The following MUC22 variants were observed in gnomAD, a reference collection of about 807,000 sequenced individuals.
MUC22 encodes mucin-22.
MUC22 carries 24 observed loss-of-function variants against 40.3 expected under a neutral mutation model. The observed-to-expected ratio is 0.60, with a 90% CI of 0.43 to 0.84. The LOEUF (loss-of-function observed/expected upper bound fraction) is 0.84, where lower values mean the gene tolerates loss of function less well. MUC22 is among the 40% of genes least tolerant of loss of function. The probability of loss-of-function intolerance (pLI) is 0.00; values close to 1 mark genes in which losing one functional copy is unlikely to be tolerated. For missense variants in MUC22, 1,926 were observed against 2,130.7 expected, an observed-to-expected ratio of 0.90 and a Z score of 1.89; for synonymous variants, 765 against 844.5, an observed-to-expected ratio of 0.91 and a Z score of 1.63.
intron 1 of MUC22, among the ~76,000 whole-genome samples, chr6:31,021,334 T>C (rs1276010534): frequency 1.3e-5 from 2 of 151,950 alleles, no homozygotes; most frequent in African/African-American, 4.8e-5. Context: ...AGAACCTTTA[T>C]GTCTAGCTCA....
Position 31,032,251 on chromosome 6 carries a change from T to C in MUC22, c.4725T>C (p.Pro1575=). The C allele has an allele frequency of 6.5e-7, 1 of 1,535,622 alleles. No individual in the cohort carries two copies. Among genetic ancestry groups the C allele is most frequent in the Non-Finnish European group, 8.7e-7 (1 of 1,146,892 alleles). ...CCTCCAGCTCTGTCACCATGGCCCCTGGAATGGACTTCACGGCCTCTGCTG... is the reference window on the plus strand; with the variant it reads ...CCTCCAGCTCTGTCACCATGGCCCCCGGAATGGACTTCACGGCCTCTGCTG... The change falls in exon 3 of 4, where the codon CCT becomes CCC. Residue 1575 remains proline, a synonymous_variant. Coordinates refer to ENST00000561890, the Ensembl canonical transcript of MUC22. This position sits in a 1 kb window ranked among gnomAD's most constrained non-coding sequence, Gnocchi z 4.1.
chr6:31,033,047 C>A (rs1766184087), intron 3 of MUC22, among the ~76,000 whole-genome samples: 1 of 152,114 alleles, frequency 6.6e-6, no homozygotes, highest in South Asian at 2.1e-4. Flanking sequence ...GACCTGTAGT[C>A]CCAGCTACTT....
At chr6:31,029,471 C>T in exon 2 of MUC22, 3 of 1,534,732 alleles carry the variant, frequency 2.0e-6, no homozygotes, top group Non-Finnish European at 1.7e-6. Context: ...GGGACCACCA[C>T]AGCCTCTACC....
rs1206814178 is a variant in MUC22 at position 31,032,513 on chromosome 6, A to G, written c.4987A>G (p.Ile1663Val). The change falls in exon 3 of 4, where the codon ATC (isoleucine) becomes GTC (valine). Residue 1663 changes from isoleucine to valine, a missense_variant. Around this residue, in one of 3 missense-constraint regions of MUC22, gnomAD observed 610 missense variants for 714.6 expected, o/e 0.85. Transcript: ENST00000561890. The surrounding 1 kb of genome is among the most constrained non-coding windows in gnomAD (Gnocchi z 4.1). The stretch of plus-strand genomic sequence containing the variant: ...AAGTGGATATTTACAGCCCTGGGCT[A>G]TCATCCTCATTTCCCTGGCTGCAGT... The G allele has an allele frequency of 3.3e-6, 5 of 1,535,732 alleles. No individual in the cohort carries two copies. In the South Asian group the frequency reaches 5.9e-5, roughly 18 times the overall value.
chr6:31,034,924 G>A (rs1337264597), exon 4 of MUC22: 1 of 1,535,560 alleles, frequency 6.5e-7, no homozygotes, highest in Admixed American at 2.0e-5. Context: ...TTATGGACAT[G>A]GAGGAGGCCA....
upstream of MUC22, among the ~76,000 whole-genome samples, chr6:31,010,026 G>A (rs543088975): frequency 1.4e-4 from 22 of 152,266 alleles, no homozygotes; most frequent in African/African-American, 5.3e-4. Flanking sequence ...GAGCACTCTG[G>A]AGAAAGCCGG....
chr6:31,016,414 T>A (rs1361295632), intron 1 of MUC22, among the ~76,000 whole-genome samples: 1 of 152,170 alleles, frequency 6.6e-6, no homozygotes, highest in East Asian at 1.9e-4. Flanking sequence ...AGCAGAGACG[T>A]GGCAGTTTAG....
intron 1 of MUC22, among the ~76,000 whole-genome samples, chr6:31,020,486 C>G (rs556710661): frequency 7.0e-5 from 10 of 142,474 alleles, no homozygotes; most frequent in Non-Finnish European, 1.4e-4. Flanking sequence ...TCTTGTTGCC[C>G]CAGGCTGGAG....
chr6:31,016,693 C>T (rs3869097), intron 1 of MUC22, among the ~76,000 whole-genome samples: 49,673 of 152,196 alleles, frequency 0.33, 8,358 homozygotes, highest in East Asian at 0.47. Context: ...ATTCTGGCTG[C>T]GCTTGAGGGG....
chr6:31,032,017 A>G lies in MUC22; in HGVS notation c.4670-179A>G, dbSNP rs1374767092. 1.3e-5 allele frequency among the ~76,000 whole-genome samples: 2 copies of G among 152,114 alleles called. No homozygotes were observed. Among genetic ancestry groups the G allele is most frequent in the African/African-American group, 4.8e-5 (2 of 41,406 alleles). ...CCTTCTCTGTATGACACCCACCTGC[A>G]TTCTGGGGACATGGCCACAGCAGAA... is the stretch of plus-strand genomic sequence containing the variant. On this transcript the variant is annotated intron_variant, in intron 2 of 3. Coordinates refer to ENST00000561890, the Ensembl canonical transcript of MUC22. This position sits in a 1 kb window ranked among gnomAD's most constrained non-coding sequence, Gnocchi z 4.1.
chr6:31,006,573 T>C (rs1378212457), upstream of MUC22, among the ~76,000 whole-genome samples: 1 of 151,806 alleles, frequency 6.6e-6, no homozygotes. Context: ...GGTGGGGAGG[T>C]TGTGCTTGCG....
Position 31,032,633 on chromosome 6 carries a change from A to G in MUC22, c.5055+52A>G, listed in dbSNP as rs921206247. Reference sequence around the variant, plus strand: ...GGAGCCTGGCAAGAAGGCAGGGGGGAATCATGTCAGCAGTGCTTTGGAAAA... The same window carrying G: ...GGAGCCTGGCAAGAAGGCAGGGGGGGATCATGTCAGCAGTGCTTTGGAAAA... On this transcript the variant is annotated intron_variant, in intron 3 of 3. Coordinates refer to ENST00000561890, the Ensembl canonical transcript of MUC22. This position sits in a 1 kb window ranked among gnomAD's most constrained non-coding sequence, Gnocchi z 4.1. 1 of 1,490,374 alleles carries G rather than the reference A, an allele frequency of 6.7e-7. No homozygotes were observed. Among genetic ancestry groups the G allele is most frequent in the African/African-American group, 1.4e-5 (1 of 72,252 alleles). The allele number at this position is 1,490,374 out of a possible 1,614,324, so 92.3% of individuals were successfully genotyped here.
At chr6:31,021,110 C>T (rs970297770) in intron 1 of MUC22, among the ~76,000 whole-genome samples, 2 of 152,260 alleles carry the variant, frequency 1.3e-5, no homozygotes, top group Non-Finnish European at 2.9e-5. Flanking sequence ...ACTGTGAGCG[C>T]ATGGCGTAGG....
At chr6:31,018,659 T>G (rs1562583226) in intron 1 of MUC22, among the ~76,000 whole-genome samples, 1 of 152,294 alleles carries the variant, frequency 6.6e-6, no homozygotes, top group Non-Finnish European at 1.5e-5. Flanking sequence ...TCATTCCAAT[T>G]GGGGTCTACC....
chr6:31,035,043 G>A, exon 4 of MUC22: 1 of 1,160,214 alleles, frequency 8.6e-7, no homozygotes, highest in Admixed American at 2.8e-5. Flanking sequence ...GGGTGGGAGG[G>A]GGTCATGGAG....
At chr6:31,021,848 C>A (rs932413073) in intron 1 of MUC22, among the ~76,000 whole-genome samples, 1 of 152,092 alleles carries the variant, frequency 6.6e-6, no homozygotes, top group Non-Finnish European at 1.5e-5. Context: ...CTGCTTGGGT[C>A]GTTTTCCACA....
Position 31,028,927 on chromosome 6 carries a change from A to G in MUC22, c.3496A>G (p.Thr1166Ala). 2.6e-6 allele frequency: 4 copies of G among 1,520,338 alleles called. No individual in the cohort carries two copies. The South Asian group carries it at 4.8e-5, about 18-fold the overall frequency. The allele number at this position is 1,520,338 out of a possible 1,614,324, so 94.2% of individuals were successfully genotyped here. A position where few individuals can be genotyped will look rare whatever the true frequency, so the allele number is the denominator to read the frequency against. Residue 1166 changes from threonine (T) to alanine (A), a missense_variant, in exon 2 of 4, where the codon ACT (threonine) becomes GCT (alanine). Around this residue, in one of 3 missense-constraint regions of MUC22, gnomAD observed 35 missense variants for 78.3 expected, o/e 0.45. Coordinates refer to ENST00000561890, the Ensembl canonical transcript of MUC22. ...AGCCTCTACTGAAGGCTCTGAGATCACTACAGTTTCTACCACAGGCTCTGA... is the reference window on the plus strand; with the variant it reads ...AGCCTCTACTGAAGGCTCTGAGATCGCTACAGTTTCTACCACAGGCTCTGA...
chr6:31,022,112 G>A (rs534929997), intron 1 of MUC22, among the ~76,000 whole-genome samples: 7 of 152,086 alleles, frequency 4.6e-5, no homozygotes, highest in Non-Finnish European at 7.4e-5. Flanking sequence ...CCAGAAGGAA[G>A]AAACTCCGAA....
intron 1 of MUC22, among the ~76,000 whole-genome samples, chr6:31,020,839 C>A (rs1052362202): frequency 6.6e-6 from 1 of 152,214 alleles, no homozygotes; most frequent in Non-Finnish European, 1.5e-5. Flanking sequence ...CTGCAGGCCC[C>A]GGGCAGTGAG....
Sources: gnomAD v4.1 joint callset for allele counts (sites outside exome capture counted in the v4.1 genomes callset) on GRCh38, gnomAD v4.1.1 for gene constraint, gnomAD v4.1.1 regional missense constraint, Gnocchi (gnomAD v3.1) non-coding constraint, MANE v1.5 for transcripts, NCBI Gene and HGNC (gene_info 2026-07-23, HGNC 2026-07-21) for gene names.